KCTD18: variants seen among roughly 807,000 people sequenced by gnomAD.
KCTD18 encodes the protein BTB/POZ domain-containing protein KCTD18.
In KCTD18, 22 loss-of-function variants were observed where a neutral mutation model predicts 30.4. That is an observed-to-expected ratio of 0.72 (90% confidence interval 0.52 to 1.03). The LOEUF is 1.03. Among genes scored for constraint, KCTD18 ranks in the 50% least tolerant of loss-of-function variants. The pLI is 0.00. For missense variants in KCTD18, 529 were observed against 547.6 expected, an observed-to-expected ratio of 0.97 and a Z score of 0.34; for synonymous variants, 186 against 209.0, an observed-to-expected ratio of 0.89 and a Z score of 0.95.
Position 200,504,878 on chromosome 2 carries a change from T to A in KCTD18, c.242A>T (p.Asp81Val), listed in dbSNP as rs779358062. Residue 81 changes from aspartate to valine, a missense_variant, in exon 3 of 7, where the codon GAT (aspartate) becomes GTT (valine). Transcript: ENST00000359878. Reference sequence around the variant, plus strand: ...CTGTAGGGCGATGCGGGTTTGCTCATCTGTGGGAATCTGAACTTCTCCATG... The same window carrying A: ...CTGTAGGGCGATGCGGGTTTGCTCAACTGTGGGAATCTGAACTTCTCCATG... ...YLHGEVQIPT[D>V]EQTRIALQEE... 6.2e-7 allele frequency: 1 copy of A among 1,614,192 alleles called. No homozygotes were observed. Among genetic ancestry groups the A allele is most frequent in the African/African-American group, 1.3e-5 (1 of 75,056 alleles).
At chr2:200,509,174 C>G (rs2030376188) in intron 1 of KCTD18, among the ~76,000 whole-genome samples, 1 of 152,034 alleles carries the variant, frequency 6.6e-6, no homozygotes, top group African/African-American at 2.4e-5. Context: ...AATTACTGTC[C>G]CTGTTGACAG....
intron 4 of KCTD18, 61 bp downstream of exon 4, chr2:200,498,830 C>T (rs1051040482): frequency 7.0e-7 from 1 of 1,432,942 alleles, no homozygotes; most frequent in Admixed American, 1.8e-5. Context: ...CATTCAGAAA[C>T]ACCTCTTAAA....
chr2:200,499,880 A>G (rs1224674006), intron 3 of KCTD18, among the ~76,000 whole-genome samples: 1 of 147,232 alleles, frequency 6.8e-6, no homozygotes, highest in East Asian at 2.0e-4. Context: ...AAAATCCTCA[A>G]TAAAATACTA....
intron 5 of KCTD18, among the ~76,000 whole-genome samples, chr2:200,495,712 AT>A (rs879806658): frequency 5.1e-4 from 75 of 147,098 alleles, no homozygotes; most frequent in Middle Eastern, 3.5e-3. Context: ...GAACCTTGTA[AT>A]TTTTTTTTTT....
In KCTD18 at chr2:200,490,423, T is replaced by C; in HGVS notation, c.958A>G (p.Arg320Gly). The C allele has an allele frequency of 3.7e-6, 6 of 1,614,192 alleles. No homozygotes were observed. The highest frequency in any genetic ancestry group is 4.2e-6 in the Non-Finnish European group (5 of 1,180,030). Residue 320 changes from arginine (R) to glycine (G), a missense_variant, in exon 7 of 7, where the codon AGA becomes GGA. Coordinates refer to ENST00000359878, the MANE Select transcript of KCTD18 (RefSeq NM_152387.4). ...GGTGCAGAGCGCTGAGCTGCCTTTC[T>C]GCGGCTACCACTTTGAAACCGGTTT... ...TANRFQSGSR[R>G]KAAQRSAPSR...
intron 1 of KCTD18, among the ~76,000 whole-genome samples, chr2:200,509,344 C>T (rs1407759391): frequency 6.6e-6 from 1 of 152,108 alleles, no homozygotes; most frequent in African/African-American, 2.4e-5. Context: ...CTGTTTCACC[C>T]CTATGGATCC....
chr2:200,500,865 T>C (rs893664479), intron 3 of KCTD18, among the ~76,000 whole-genome samples: 8 of 152,120 alleles, frequency 5.3e-5, no homozygotes, highest in African/African-American at 1.9e-4. Context: ...GGAGGCATCA[T>C]GCTACCTGAC....
At chr2:200,490,651 A>T (rs1420231734) in intron 6 of KCTD18, 35 bp from the exon 7 acceptor site, 2 of 1,538,402 alleles carry the variant, frequency 1.3e-6, no homozygotes, top group Non-Finnish European at 1.7e-6. Flanking sequence ...TTCCACATGT[A>T]TAGTTTTAGT....
At chr2:200,500,505 A>G (rs1046323731) in intron 3 of KCTD18, among the ~76,000 whole-genome samples, 1 of 151,982 alleles carries the variant, frequency 6.6e-6, no homozygotes, top group Non-Finnish European at 1.5e-5. Flanking sequence ...ACAGAGAGCC[A>G]AATCATGAGT....
intron 4 of KCTD18, 41 bp downstream of exon 4, chr2:200,498,850 G>C: frequency 6.4e-7 from 1 of 1,555,618 alleles, no homozygotes; most frequent in Non-Finnish European, 8.9e-7. Flanking sequence ...AAGAGACCAA[G>C]ACTTTATTTT....
intron 2 of KCTD18, among the ~76,000 whole-genome samples, chr2:200,505,472 T>C (rs960773335): frequency 6.6e-6 from 1 of 152,194 alleles, no homozygotes; most frequent in Non-Finnish European, 1.5e-5. Context: ...GACCTTTGCG[T>C]TCTCACTACC....
chr2:200,509,582 C>G (rs576663570), intron 1 of KCTD18, 46 bp downstream of exon 1: 1 of 152,404 alleles, frequency 6.6e-6, no homozygotes, highest in Non-Finnish European at 1.5e-5. Flanking sequence ...TGGAAAGTGT[C>G]CAGCCCTCGG....
intron 5 of KCTD18, chr2:200,497,036 T>A (rs777689569): frequency 6.6e-5 from 10 of 152,202 alleles, no homozygotes; most frequent in Non-Finnish European, 1.3e-4. Flanking sequence ...ATGGAATAAG[T>A]CTTATTTATC....
chr2:200,491,475 A>C (rs1027452641), intron 6 of KCTD18, among the ~76,000 whole-genome samples: 1 of 152,182 alleles, frequency 6.6e-6, no homozygotes, highest in Admixed American at 6.5e-5. Context: ...TTTAAAATTC[A>C]TGTTAACATA....
At chr2:200,503,274 C>G (rs1462929524) in intron 3 of KCTD18, among the ~76,000 whole-genome samples, 1 of 152,104 alleles carries the variant, frequency 6.6e-6, no homozygotes, top group Non-Finnish European at 1.5e-5. Context: ...GAAAATGGGG[C>G]CCTACCATGT....
chr2:200,500,662 C>T (rs2088070240), intron 3 of KCTD18, among the ~76,000 whole-genome samples: 1 of 151,682 alleles, frequency 6.6e-6, no homozygotes, highest in East Asian at 1.9e-4. Flanking sequence ...ATATTCCATG[C>T]TCATGGGTAG....
rs566494025 is a variant in KCTD18, at chr2:200,507,516, C to T, written c.-75-425G>A. Among the ~76,000 whole-genome samples the T allele has an allele frequency of 6.6e-5, 10 of 152,182 alleles. No individual in the cohort carries two copies. In the East Asian group the frequency reaches 1.9e-3, roughly 29 times the overall value. On this transcript the variant is annotated intron_variant, in intron 1 of 6. Transcript: ENST00000359878. Reference sequence around the variant, plus strand: ...CCCTCACCAGCTCTAGGATCTTGGGCAAATTACTTATCTTCCTCTTCCATA... The same window carrying T: ...CCCTCACCAGCTCTAGGATCTTGGGTAAATTACTTATCTTCCTCTTCCATA...
intron 6 of KCTD18, among the ~76,000 whole-genome samples, chr2:200,491,668 G>A (rs190524152): frequency 6.4e-4 from 98 of 152,214 alleles, no homozygotes; most frequent in Middle Eastern, 3.4e-3. Flanking sequence ...AAAAGCCTAC[G>A]GGGGAACATT....
intron 2 of KCTD18, among the ~76,000 whole-genome samples, chr2:200,505,725 C>T (rs1054477376): frequency 1.3e-5 from 2 of 152,162 alleles, no homozygotes; most frequent in Admixed American, 1.3e-4. Context: ...TGGGGTTCCT[C>T]ACTCCAGGCA....
Sources: gnomAD v4.1 joint callset for allele counts (sites outside exome capture counted in the v4.1 genomes callset) on GRCh38, gnomAD v4.1.1 for gene constraint, MANE v1.5 for transcripts, NCBI Gene and HGNC (gene_info 2026-07-23, HGNC 2026-07-21) for gene names.